Variants in ARHGEF26 observed in about 807,000 individuals in gnomAD.
ARHGEF26 encodes the protein Rho guanine nucleotide exchange factor (GEF) 26.
Under a neutral mutation model 89.4 loss-of-function variants are expected in ARHGEF26, and 59 were observed. The observed-to-expected ratio is 0.66, with a 90% confidence interval of 0.54 to 0.82. ARHGEF26 has a LOEUF of 0.82. Ranked by LOEUF, ARHGEF26 falls within the 40% of genes least tolerant of loss-of-function variation. The pLI is 0.00. For missense variants in ARHGEF26, 1,234 were observed against 1,085.6 expected (o/e 1.14, Z -1.92); for synonymous variants, 500 against 428.4 (o/e 1.17, Z -2.06).
Position 154,254,651 on chromosome 3 carries a change from G to GTACAT in ARHGEF26, c.2369-66_2369-62dup. 4 of 1,196,222 alleles carry GTACAT rather than the reference G, an allele frequency of 3.3e-6. No homozygotes were observed. In the South Asian group the frequency reaches 5.1e-5, roughly 15 times the overall value. 74.1% of individuals were successfully genotyped at this position (1,196,222 alleles called of 1,614,324 possible). The stretch of plus-strand genomic sequence containing the variant: ...GAATTGCAGAGAAAAATAAGTAAGT[G>GTACAT]TACATTATTGGATTGCACATGTTTT... On this transcript the variant is annotated intron_variant, in intron 13 of 14. Transcript: ENST00000465093.
chr3:154,201,470 G>C (rs1188191597), intron 9 of ARHGEF26, among the ~76,000 whole-genome samples: 2 of 152,106 alleles, frequency 1.3e-5, no homozygotes, highest in Non-Finnish European at 2.9e-5. Flanking sequence ...ACATACATGT[G>C]CATGTGTCTT....
At chr3:154,196,962 T>C (rs1714330159) in intron 9 of ARHGEF26, among the ~76,000 whole-genome samples, 1 of 152,064 alleles carries the variant, frequency 6.6e-6, no homozygotes, top group African/African-American at 2.4e-5. Flanking sequence ...ACCTGGAATG[T>C]TACTTAATTT....
intron 6 of ARHGEF26, chr3:154,187,172 G>C: frequency 1.0e-6 from 1 of 975,634 alleles, no homozygotes; most frequent in Non-Finnish European, 1.2e-6. Flanking sequence ...TTACACATGT[G>C]AGCCACCACA....
chr3:154,230,328 C>A (rs373656852), intron 11 of ARHGEF26, among the ~76,000 whole-genome samples: 2 of 152,150 alleles, frequency 1.3e-5, no homozygotes, highest in Non-Finnish European at 2.9e-5. Flanking sequence ...GATAAAATAT[C>A]TTTTTCAAGG....
At chr3:154,208,615 A>G (rs1427341109) in intron 9 of ARHGEF26, among the ~76,000 whole-genome samples, 1 of 151,922 alleles carries the variant, frequency 6.6e-6, no homozygotes, top group East Asian at 1.9e-4. Flanking sequence ...TCCTGTAGCC[A>G]TGCTTAATCA....
At chr3:154,144,907 A>G (rs1719607185) in intron 4 of ARHGEF26, among the ~76,000 whole-genome samples, 1 of 152,190 alleles carries the variant, frequency 6.6e-6, no homozygotes, top group African/African-American at 2.4e-5. Context: ...TAAGCATATG[A>G]TTTTATGATA....
At chr3:154,239,419 C>G (rs983624870) in intron 11 of ARHGEF26, among the ~76,000 whole-genome samples, 1 of 150,842 alleles carries the variant, frequency 6.6e-6, no homozygotes, top group Admixed American at 6.6e-5. Context: ...ATCCAGGGGT[C>G]TATAGATGAC....
At chr3:154,230,776 A>G (rs1716781237) in intron 11 of ARHGEF26, among the ~76,000 whole-genome samples, 1 of 152,174 alleles carries the variant, frequency 6.6e-6, no homozygotes, top group Non-Finnish European at 1.5e-5. Flanking sequence ...AGGTTTTATA[A>G]AAAGGTTTTC....
At chr3:154,240,735 ATGT>A (rs1159626137) in intron 12 of ARHGEF26, among the ~76,000 whole-genome samples, 156 bp downstream of exon 12, 2 of 152,234 alleles carry the variant, frequency 1.3e-5, no homozygotes, top group East Asian at 1.9e-4. Flanking sequence ...ATTTTTACAG[ATGT>A]TGTTCTTTTC....
At chr3:154,239,261 GGAGAGAGAGA>G (rs869046214) in intron 11 of ARHGEF26, among the ~76,000 whole-genome samples, 5 of 105,584 alleles carry the variant, frequency 4.7e-5, no homozygotes, top group African/African-American at 8.2e-5. Context: ...AGAGAGAGAG[GGAGAGAGAGA>G]GAGAGAGAGA....
intron 6 of ARHGEF26, among the ~76,000 whole-genome samples, chr3:154,177,355 C>T (rs1559879590): frequency 6.6e-6 from 1 of 152,186 alleles, no homozygotes; most frequent in Non-Finnish European, 1.5e-5. Flanking sequence ...TAAAAGCAAA[C>T]TTCCCTTAGC....
chr3:154,160,433 G>C (rs1711587487), intron 6 of ARHGEF26, among the ~76,000 whole-genome samples: 1 of 152,126 alleles, frequency 6.6e-6, no homozygotes, highest in Admixed American at 6.5e-5. Context: ...AGTTAAAGAT[G>C]ACTGATTAGA....
chr3:154,175,535 C>T (rs937447058), intron 6 of ARHGEF26, among the ~76,000 whole-genome samples: 3 of 152,086 alleles, frequency 2.0e-5, no homozygotes, highest in African/African-American at 7.2e-5. Flanking sequence ...TTTTAACATT[C>T]CTATAGATAA....
intron 10 of ARHGEF26, among the ~76,000 whole-genome samples, chr3:154,221,673 A>C (rs1050838505): frequency 3.9e-5 from 6 of 152,252 alleles, no homozygotes; most frequent in Non-Finnish European, 5.9e-5. Flanking sequence ...CCTATATGGA[A>C]AGCTTTCTTA....
intron 6 of ARHGEF26, 58 bp from the exon 7 acceptor site, chr3:154,187,627 G>A: frequency 7.0e-7 from 1 of 1,430,764 alleles, no homozygotes. Context: ...AGGCTAATCT[G>A]TTATCTGTTA....
chr3:154,170,135 G>T (rs1417307864), intron 6 of ARHGEF26, among the ~76,000 whole-genome samples: 2 of 152,068 alleles, frequency 1.3e-5, no homozygotes, highest in African/African-American at 4.8e-5. Context: ...GCCAAGGTGG[G>T]TGAATTGCTT....
At chr3:154,241,059 A>T (rs1411634532) in intron 12 of ARHGEF26, among the ~76,000 whole-genome samples, 2 of 152,144 alleles carry the variant, frequency 1.3e-5, no homozygotes, top group Non-Finnish European at 2.9e-5. Context: ...ATACTGATAA[A>T]TCCTCTTTCT....
At chr3:154,223,618 A>G (rs1716275910) in intron 10 of ARHGEF26, among the ~76,000 whole-genome samples, 1 of 152,326 alleles carries the variant, frequency 6.6e-6, no homozygotes, top group East Asian at 1.9e-4. Flanking sequence ...AATTCCATTT[A>G]TATGACACAT....
At chr3:154,171,523 A>C (rs1712438439) in intron 6 of ARHGEF26, among the ~76,000 whole-genome samples, 1 of 152,176 alleles carries the variant, frequency 6.6e-6, no homozygotes, top group Admixed American at 6.5e-5. Context: ...CCACCTGTTC[A>C]TCCCTCCCTC....
Sources: gnomAD v4.1 joint callset for allele counts (sites outside exome capture counted in the v4.1 genomes callset) on GRCh38, gnomAD v4.1.1 for gene constraint, MANE v1.5 for transcripts, NCBI Gene and HGNC (gene_info 2026-07-23, HGNC 2026-07-21) for gene names.